The following PLA2G4D variants were observed in gnomAD, a reference collection of about 807,000 sequenced individuals.
PLA2G4D encodes cytosolic phospholipase A2 delta.
A neutral mutation model predicts 94.4 loss-of-function variants in PLA2G4D; 80 were observed. That is an observed-to-expected ratio of 0.85 (90% CI 0.71 to 1.02). The LOEUF is 1.02. Ranked by LOEUF, PLA2G4D falls within the 50% of genes least tolerant of loss-of-function variation. PLA2G4D has a pLI of 0.00. For missense variants in PLA2G4D, 1,050 were observed against 1,034.7 expected, an observed-to-expected ratio of 1.01 and a Z score of -0.20; for synonymous variants, 438 against 440.9, an observed-to-expected ratio of 0.99 and a Z score of 0.08.
rs1203315627 is a variant in PLA2G4D at position 42,083,737 on chromosome 15, C to T, written c.514G>A (p.Gly172Arg). 1 of 1,613,926 alleles carries T rather than the reference C, an allele frequency of 6.2e-7. No individual in the cohort carries two copies. Among genetic ancestry groups the T allele is most frequent in the African/African-American group, 1.3e-5 (1 of 74,942 alleles). Residue 172 changes from glycine to arginine, a missense_variant, in exon 7 of 20, where the codon GGG (glycine) becomes AGG (arginine). Transcript: ENST00000290472. ...SCLDVHLDST[G>R]STAVVADQDK... The stretch of plus-strand genomic sequence containing the variant: ...TCACCTGCAACCACAGCGGTGCTCC[C>T]TGTGCTGTCCAGATGCACATCCAGG...
chr15:42,079,224 A>G (rs1889984575), intron 13 of PLA2G4D, among the ~76,000 whole-genome samples: 2 of 152,384 alleles, frequency 1.3e-5, no homozygotes, highest in African/African-American at 4.8e-5. Flanking sequence ...GAAGAACAGT[A>G]AATTTCATAT....
chr15:42,085,609 A>C (rs1890127374), intron 4 of PLA2G4D, 78 bp from the exon 5 acceptor site: 4 of 1,440,464 alleles, frequency 2.8e-6, no homozygotes, highest in Middle Eastern at 1.7e-4. Flanking sequence ...TACAGGTGTC[A>C]TCTCATCCTC....
Position 42,084,398 on chromosome 15 carries a change from T to G in PLA2G4D, c.472-619A>C, listed in dbSNP as rs1002286963. Among the ~76,000 whole-genome samples the G allele has an allele frequency of 1.3e-5, 2 of 152,164 alleles. No individual in the cohort carries two copies. Among genetic ancestry groups the G allele is most frequent in the Non-Finnish European group, 2.9e-5 (2 of 68,030 alleles). ...GGCAGTGCCATCGGCTTGACTTTAT[T>G]TTCATGTGTATTTTTAAAAGTAATA... is the stretch of plus-strand genomic sequence containing the variant. On this transcript the variant is annotated intron_variant, in intron 6 of 19. Transcript: ENST00000290472. This position sits in a 1 kb window ranked among gnomAD's most constrained non-coding sequence, Gnocchi z 4.8.
intron 13 of PLA2G4D, among the ~76,000 whole-genome samples, chr15:42,075,779 C>T (rs1380530218): frequency 1.3e-5 from 2 of 151,808 alleles, no homozygotes; most frequent in Non-Finnish European, 1.5e-5. Context: ...CGCAGGTATG[C>T]GGCAGGCTGA....
intron 13 of PLA2G4D, among the ~76,000 whole-genome samples, chr15:42,076,487 G>C (rs1889929623): frequency 6.6e-6 from 1 of 151,958 alleles, no homozygotes; most frequent in African/African-American, 2.4e-5. Flanking sequence ...AACTGGTAAG[G>C]ATTCACATCG....
In PLA2G4D at chr15:42,068,741, C is replaced by G; in HGVS notation, c.2431G>C (p.Ala811Pro). 1 of 1,609,894 alleles carries G rather than the reference C, an allele frequency of 6.2e-7. No homozygotes were observed. Among genetic ancestry groups the G allele is most frequent in the Admixed American group, 1.7e-5 (1 of 59,518 alleles). ...RTALKHRTLE[A>P]RPPRAQT is the part of the protein sequence containing the mutation. ...CAGGTCTGTGCCCTTGGAGGCCTCG[C>G]CTCTAGAGTCCGGTGCTTCAGCGCG... Residue 811 changes from alanine (A) to proline (P), a missense_variant, in exon 20 of 20, where the codon GCG (alanine) becomes CCG (proline). Coordinates refer to ENST00000290472, the MANE Select transcript of PLA2G4D (RefSeq NM_178034.4).
intron 12 of PLA2G4D, 132 bp from the exon 13 acceptor site, chr15:42,079,891 G>T: frequency 1.3e-6 from 1 of 756,242 alleles, no homozygotes; most frequent in Non-Finnish European, 2.1e-6. Flanking sequence ...CTGGTAAATG[G>T]GTCTCAGGGC....
chr15:42,086,194 T>TTGGGGGGGGGGGGGGGGCGG lies in PLA2G4D; in HGVS notation c.387+18_387+19insCCGCCCCCCCCCCCCCCCCA. 7.3e-7 allele frequency: 1 copy of TTGGGGGGGGGGGGGGGGCGG among 1,370,444 alleles called. No homozygotes were observed. The highest frequency in any genetic ancestry group is 9.6e-7 in the Non-Finnish European group (1 of 1,043,084). 84.9% of individuals were successfully genotyped at this position (1,370,444 alleles called of 1,614,324 possible). A position where few individuals can be genotyped will look rare whatever the true frequency, so the allele number is the denominator to read the frequency against. On this transcript the variant is annotated intron_variant, in intron 4 of 19. Coordinates refer to ENST00000290472, the MANE Select transcript of PLA2G4D (RefSeq NM_178034.4). Reference sequence around the variant, plus strand: ...GGAAGAAGTGGGGCCCACGGGGACTTCCCCACCCACCCACCCACCTGGGGA... The same window carrying TTGGGGGGGGGGGGGGGGCGG: ...GGAAGAAGTGGGGCCCACGGGGACTTTGGGGGGGGGGGGGGGGCGGCCCCACCCACCCACCCACCTGGGGA...
At chr15:42,088,384 TGGA>T (rs1446146593) in intron 1 of PLA2G4D, among the ~76,000 whole-genome samples, 12 of 152,194 alleles carry the variant, frequency 7.9e-5, no homozygotes, top group Admixed American at 4.6e-4. Context: ...GGGCAGAAGC[TGGA>T]GGAGAAGATG....
chr15:42,087,208 C>T, intron 3 of PLA2G4D, 92 bp downstream of exon 3: 1 of 1,532,624 alleles, frequency 6.5e-7, no homozygotes, highest in African/African-American at 1.4e-5. Flanking sequence ...GTTTCTCTGA[C>T]AGCCCCAGAG....
intron 12 of PLA2G4D, 96 bp downstream of exon 12, chr15:42,080,901 T>C: frequency 6.9e-7 from 1 of 1,450,402 alleles, no homozygotes; most frequent in Non-Finnish European, 9.2e-7. Context: ...TGATCACACC[T>C]ACTTGGCCTC....
In PLA2G4D at chr15:42,081,927, C is replaced by CTTTTTTT. The variant is rs398027016; in HGVS notation, c.784-100_784-94dup. ...GGACTTGGTCCCCTTCATCTTCATT[C>CTTTTTTT]TTTTTTTTTTTTTTTTTTTTTGAGA... On this transcript the variant is annotated intron_variant, in intron 9 of 19. Coordinates refer to ENST00000290472, the MANE Select transcript of PLA2G4D (RefSeq NM_178034.4). 2.4e-4 allele frequency: 166 copies of CTTTTTTT among 705,234 alleles called. 1 individual carries two copies. Among genetic ancestry groups the CTTTTTTT allele is most frequent in the African/African-American group, 1.4e-3 (65 of 45,290 alleles). The allele number at this position is 705,234 out of a possible 1,614,324, so 43.7% of individuals were successfully genotyped here.
chr15:42,083,644 G>T lies in PLA2G4D; in HGVS notation c.535+72C>A. 5.1e-6 allele frequency: 8 copies of T among 1,568,020 alleles called. No homozygotes were observed. In the East Asian group the frequency reaches 1.3e-4, roughly 26 times the overall value. ...CCCTGCTGCTGGCCTCCTGCCCTGC[G>T]CAGGCTTCCCAGCAATCCTCCTCAC... On this transcript the variant is annotated intron_variant, in intron 7 of 19. Coordinates refer to ENST00000290472, the MANE Select transcript of PLA2G4D (RefSeq NM_178034.4).
intron 1 of PLA2G4D, among the ~76,000 whole-genome samples, chr15:42,089,992 T>A (rs753789424): frequency 2.0e-5 from 3 of 152,180 alleles, no homozygotes; most frequent in Non-Finnish European, 4.4e-5. Flanking sequence ...TCTCTTCACC[T>A]CTAAGATCAT....
rs1889715118 is a variant in PLA2G4D at position 42,067,802 on chromosome 15, A to C, written c.*913T>G. The C allele has an allele frequency of 2.6e-5, 4 of 152,254 alleles. No homozygotes were observed. Among genetic ancestry groups the C allele is most frequent in the Admixed American group, 2.6e-4 (4 of 15,292 alleles). The allele number at this position is 152,254 out of a possible 1,614,324, so 9.4% of individuals were successfully genotyped here. A position where few individuals can be genotyped will look rare whatever the true frequency, so the allele number is the denominator to read the frequency against. ...CTCAATAAACTAGAAATAAAAGAGA[A>C]CTTTCTCAACCTGATAAGGATGTCC... On this transcript the variant is annotated 3_prime_UTR_variant, in exon 20 of 20. Coordinates refer to ENST00000290472, the MANE Select transcript of PLA2G4D (RefSeq NM_178034.4).
intron 13 of PLA2G4D, 34 bp from the exon 14 acceptor site, chr15:42,072,426 C>A (rs1377499573): frequency 1.3e-6 from 2 of 1,565,150 alleles, no homozygotes; most frequent in Non-Finnish European, 1.8e-6. Context: ...CTAAGTGAGG[C>A]TGGGAGTACC....
chr15:42,086,194 T>TGGGG lies in PLA2G4D; in HGVS notation c.387+18_387+19insCCCC. 1.3e-5 allele frequency: 18 copies of TGGGG among 1,370,410 alleles called. No individual in the cohort carries two copies. The highest frequency in any genetic ancestry group is 1.6e-5 in the Non-Finnish European group (17 of 1,043,058). The allele number at this position is 1,370,410 out of a possible 1,614,324, so 84.9% of individuals were successfully genotyped here. A position where few individuals can be genotyped will look rare whatever the true frequency, so the allele number is the denominator to read the frequency against. ...GGAAGAAGTGGGGCCCACGGGGACTTCCCCACCCACCCACCCACCTGGGGA... is the reference window on the plus strand; with the variant it reads ...GGAAGAAGTGGGGCCCACGGGGACTTGGGGCCCCACCCACCCACCCACCTGGGGA... On this transcript the variant is annotated intron_variant, in intron 4 of 19. Transcript: ENST00000290472.
Position 42,081,141 on chromosome 15 carries a change from A to T in PLA2G4D, c.958-8T>A. 1.2e-6 allele frequency: 2 copies of T among 1,612,212 alleles called. No homozygotes were observed. The highest frequency in any genetic ancestry group is 1.7e-6 in the Non-Finnish European group (2 of 1,178,806). ...GATGCCCACAACGGGTACCTGGACC[A>T]CACACAGACAGGCTGGATTAACAAG... On this transcript the variant is annotated splice_region_variant and splice_polypyrimidine_tract_variant and intron_variant, in intron 11 of 19. Transcript: ENST00000290472.
At position 42,082,250 on chromosome 15, in the gene PLA2G4D, G is replaced by T. The variant is rs201386850; in HGVS notation, c.783+29C>A. 1.9e-4 allele frequency: 297 copies of T among 1,555,088 alleles called. 2 individuals are homozygous for T. The East Asian group carries it at 2.0e-3, about 10-fold the overall frequency. ...CCCAGCCTTATCTTCATTCTTACTGGCATTTCCCATCCAGTTGAGGCCACT... is the reference window on the plus strand; with the variant it reads ...CCCAGCCTTATCTTCATTCTTACTGTCATTTCCCATCCAGTTGAGGCCACT... On this transcript the variant is annotated intron_variant, in intron 9 of 19. Coordinates refer to ENST00000290472, the MANE Select transcript of PLA2G4D (RefSeq NM_178034.4).
Sources: gnomAD v4.1 joint callset for allele counts (sites outside exome capture counted in the v4.1 genomes callset) on GRCh38, gnomAD v4.1.1 for gene constraint, Gnocchi (gnomAD v3.1) non-coding constraint, MANE v1.5 for transcripts, NCBI Gene and HGNC (gene_info 2026-07-23, HGNC 2026-07-21) for gene names.